Variants in WBP1L observed in about 807,000 individuals in gnomAD.
WBP1L encodes the protein WW domain binding protein 1 like.
Under a neutral mutation model 33.7 loss-of-function variants are expected in WBP1L, and 17 were observed. That is an observed-to-expected ratio of 0.50 (90% CI 0.34 to 0.76). WBP1L has a LOEUF of 0.76. Among genes scored for constraint, WBP1L ranks in the 30% least tolerant of loss-of-function variants. WBP1L has a pLI of 0.01. For synonymous variants in WBP1L, 173 were observed against 190.8 expected (o/e 0.91, Z 0.77); for missense variants, 389 against 469.4 (o/e 0.83, Z 1.58).
intron 1 of WBP1L, among the ~76,000 whole-genome samples, chr10:102,787,680 ACTTT>A (rs764435958): frequency 2.0e-5 from 3 of 152,146 alleles, no homozygotes; most frequent in Non-Finnish European, 4.4e-5. Context: ...TCTTGAGCTT[ACTTT>A]CTTCATCCTC....
rs190710531 is a variant in WBP1L, at chr10:102,812,639, A to T, written c.400A>T (p.Asn134Tyr). 6.2e-7 allele frequency: 1 copy of T among 1,601,902 alleles called. No homozygotes were observed. Among genetic ancestry groups the T allele is most frequent in the East Asian group, 2.2e-5 (1 of 44,756 alleles). ...YLLPPYEEVVNRPPTPPPPYS... is the reference protein window; with the variant it reads ...YLLPPYEEVVYRPPTPPPPYS... ...ACTACCTCCTTATGAGGAAGTGGTG[A>T]ACCGACCTCCAACTCCTCCCCCACC... is the stretch of plus-strand genomic sequence containing the variant. The change falls in exon 4 of 4, where the codon AAC becomes TAC. Residue 134 changes from asparagine to tyrosine, a missense_variant. Transcript: ENST00000448841.
intron 3 of WBP1L, among the ~76,000 whole-genome samples, chr10:102,810,622 A>G (rs1437503564): frequency 4.2e-5 from 5 of 120,092 alleles, no homozygotes; most frequent in Admixed American, 3.4e-4. Context: ...GCTGGAGTGC[A>G]GTGGCGCAAT....
chr10:102,790,560 G>C (rs942363796), intron 1 of WBP1L, among the ~76,000 whole-genome samples: 1 of 151,970 alleles, frequency 6.6e-6, no homozygotes, highest in African/African-American at 2.4e-5. Context: ...GCCCAGGCTG[G>C]AGTACAATGG....
At chr10:102,775,895 T>C (rs1455096749) in intron 1 of WBP1L, among the ~76,000 whole-genome samples, 2 of 152,198 alleles carry the variant, frequency 1.3e-5, no homozygotes, top group African/African-American at 2.4e-5. Flanking sequence ...GCAGTGTTCC[T>C]GTTTTCAGCT....
chr10:102,752,177 G>A (rs1436079753), intron 1 of WBP1L, among the ~76,000 whole-genome samples: 1 of 152,130 alleles, frequency 6.6e-6, no homozygotes, highest in East Asian at 1.9e-4. Flanking sequence ...TTAGCATCCT[G>A]GAATGCTCAG....
At chr10:102,766,038 T>C (rs1446557063) in intron 1 of WBP1L, among the ~76,000 whole-genome samples, 1 of 152,160 alleles carries the variant, frequency 6.6e-6, no homozygotes, top group Non-Finnish European at 1.5e-5. Flanking sequence ...ATTTTCCTAA[T>C]GGTTCTCTTT....
intron 1 of WBP1L, among the ~76,000 whole-genome samples, chr10:102,777,195 G>C (rs543789229): frequency 1.3e-5 from 2 of 152,044 alleles, no homozygotes; most frequent in African/African-American, 2.4e-5. Context: ...CCCCCTCTTC[G>C]TCTGAGAGGC....
At chr10:102,801,718 T>TCCCC (rs1325735721) in intron 2 of WBP1L, among the ~76,000 whole-genome samples, 20 of 152,112 alleles carry the variant, frequency 1.3e-4, no homozygotes, top group African/African-American at 4.8e-4. Flanking sequence ...GGTTTGGGCT[T>TCCCC]TAGGAGGGAG....
rs571691208 is a variant in WBP1L, at chr10:102,794,745, TGAAAAA to T, written c.91-3241_91-3236del. Among the ~76,000 whole-genome samples, 181 of 151,926 alleles carry T rather than the reference TGAAAAA, an allele frequency of 1.2e-3. 1 individual carries two copies. In the South Asian group the frequency reaches 0.036, roughly 30 times the overall value. On this transcript the variant is annotated intron_variant, in intron 1 of 3. Transcript: ENST00000448841. The stretch of plus-strand genomic sequence containing the variant: ...GCCTGGGCAACAGTTAGACTCTGAG[TGAAAAA>T]GAAAAAAGTAGGGGGGTGCGAGGAG...
At chr10:102,787,922 A>G (rs1276103259) in intron 1 of WBP1L, among the ~76,000 whole-genome samples, 4 of 151,460 alleles carry the variant, frequency 2.6e-5, no homozygotes, top group Admixed American at 2.6e-4. Context: ...TATTAATAAT[A>G]CAAAAAATTA....
chr10:102,746,581 T>A (rs1326818276), intron 1 of WBP1L, among the ~76,000 whole-genome samples: 1 of 142,820 alleles, frequency 7.0e-6, no homozygotes, highest in East Asian at 2.1e-4. Context: ...CCACCGCAAT[T>A]TAGTCAGTGT....
chr10:102,757,575 T>G (rs1842991618), intron 1 of WBP1L, among the ~76,000 whole-genome samples: 1 of 143,262 alleles, frequency 7.0e-6, no homozygotes, highest in Non-Finnish European at 1.5e-5. Flanking sequence ...GAGCCTTTTT[T>G]TTTTTTTTTT....
At chr10:102,748,492 TC>T (rs1480160702) in intron 1 of WBP1L, among the ~76,000 whole-genome samples, 4 of 152,192 alleles carry the variant, frequency 2.6e-5, no homozygotes. Flanking sequence ...ATTCGAGACT[TC>T]CAGATTCTAA....
At chr10:102,784,894 G>A (rs550571832) in intron 1 of WBP1L, among the ~76,000 whole-genome samples, 268 of 141,188 alleles carry the variant, frequency 1.9e-3, no homozygotes, top group African/African-American at 6.4e-3. Context: ...TTTTTAGGGC[G>A]GGGACAGAGT....
chr10:102,798,580 A>G (rs944169494), intron 2 of WBP1L, among the ~76,000 whole-genome samples: 1 of 152,122 alleles, frequency 6.6e-6, no homozygotes, highest in African/African-American at 2.4e-5. Context: ...GTGCACCACC[A>G]TGCCCAACTA....
intron 1 of WBP1L, among the ~76,000 whole-genome samples, chr10:102,782,316 A>G (rs1237346560): frequency 1.4e-5 from 2 of 141,832 alleles, no homozygotes; most frequent in Non-Finnish European, 3.0e-5. Flanking sequence ...ACTTAGTGGA[A>G]AAGAGGACTG....
At chr10:102,757,054 A>C (rs994023095) in intron 1 of WBP1L, among the ~76,000 whole-genome samples, 2 of 151,836 alleles carry the variant, frequency 1.3e-5, no homozygotes, top group African/African-American at 4.8e-5. Context: ...CACCTAGCTA[A>C]TTTTTTTGTG....
At chr10:102,789,906 CTAATTGTATTTT>C (rs1425919770) in intron 1 of WBP1L, among the ~76,000 whole-genome samples, 1 of 151,926 alleles carries the variant, frequency 6.6e-6, no homozygotes, top group African/African-American at 2.4e-5. Flanking sequence ...CCACGCCCAG[CTAATTGTATTTT>C]TAGTAGAGAT....
intron 1 of WBP1L, among the ~76,000 whole-genome samples, chr10:102,756,638 T>C (rs1213787678): frequency 6.6e-6 from 1 of 152,198 alleles, no homozygotes. Flanking sequence ...GTTGTACTTA[T>C]TTCTTTTTGC....
Sources: gnomAD v4.1 joint callset for allele counts (sites outside exome capture counted in the v4.1 genomes callset) on GRCh38, gnomAD v4.1.1 for gene constraint, MANE v1.5 for transcripts, NCBI Gene and HGNC (gene_info 2026-07-23, HGNC 2026-07-21) for gene names.